The following RAB2A variants were observed in gnomAD, a reference collection of about 807,000 sequenced individuals.
The protein encoded by RAB2A is RAB2A, member RAS oncogene family.
RAB2A carries 7 observed loss-of-function variants against 32.5 expected under a neutral mutation model. That is an observed-to-expected ratio of 0.22 (90% CI 0.12 to 0.40). RAB2A has a LOEUF of 0.40. RAB2A is among the 10% of genes least tolerant of loss of function. The probability of loss-of-function intolerance (pLI) is 1.00; values close to 1 mark genes in which losing one functional copy is unlikely to be tolerated. For synonymous variants in RAB2A, 79 were observed against 85.2 expected, an observed-to-expected ratio of 0.93 and a Z score of 0.40; for missense variants, 108 against 260.7, an observed-to-expected ratio of 0.41 and a Z score of 4.03.
chr8:60,517,561 G>T (rs554433881), intron 1 of RAB2A, among the ~76,000 whole-genome samples: 3 of 152,202 alleles, frequency 2.0e-5, no homozygotes, highest in Non-Finnish European at 4.4e-5. Context: ...GCCGGGGCCC[G>T]ACTCACATGA....
chr8:60,590,392 A>G (rs1025487993), intron 5 of RAB2A, among the ~76,000 whole-genome samples: 3 of 151,284 alleles, frequency 2.0e-5, no homozygotes, highest in Middle Eastern at 3.4e-3. Context: ...AGTCCTAGCA[A>G]TTGGGAAGGC....
intron 1 of RAB2A, among the ~76,000 whole-genome samples, chr8:60,532,410 C>T (rs929034763): frequency 2.6e-5 from 4 of 152,052 alleles, no homozygotes; most frequent in Admixed American, 1.3e-4. Context: ...AATGTATGCC[C>T]GATGAATTGA....
intron 1 of RAB2A, among the ~76,000 whole-genome samples, chr8:60,521,467 G>A (rs1807302102): frequency 6.6e-6 from 1 of 152,138 alleles, no homozygotes; most frequent in African/African-American, 2.4e-5. Flanking sequence ...CTCATGATAT[G>A]AAAATAATTA....
chr8:60,583,285 A>G (rs1034757434), intron 3 of RAB2A, among the ~76,000 whole-genome samples: 2 of 152,212 alleles, frequency 1.3e-5, no homozygotes, highest in South Asian at 4.1e-4. Context: ...TAAAATGCTT[A>G]TGTTTTTGCA....
intron 2 of RAB2A, among the ~76,000 whole-genome samples, chr8:60,561,304 G>A (rs771166343): frequency 6.6e-6 from 1 of 152,038 alleles, no homozygotes; most frequent in Admixed American, 6.6e-5. Flanking sequence ...CTGGCATACC[G>A]TTTTTTTTCT....
intron 6 of RAB2A, among the ~76,000 whole-genome samples, chr8:60,612,939 A>C (rs969616973): frequency 6.6e-6 from 1 of 152,214 alleles, no homozygotes; most frequent in African/African-American, 2.4e-5. Flanking sequence ...TTTAAAAGCC[A>C]CTATTGGATG....
At chr8:60,528,624 G>T (rs1807428409) in intron 1 of RAB2A, among the ~76,000 whole-genome samples, 1 of 151,804 alleles carries the variant, frequency 6.6e-6, no homozygotes, top group Non-Finnish European at 1.5e-5. Flanking sequence ...TTATTTGTTT[G>T]CATCAAGTTG....
intron 3 of RAB2A, among the ~76,000 whole-genome samples, chr8:60,577,091 G>C (rs1035309420): frequency 6.6e-6 from 1 of 151,522 alleles, no homozygotes; most frequent in African/African-American, 2.4e-5. Flanking sequence ...TGTTGCCCAG[G>C]CTGGAGTGCA....
intron 3 of RAB2A, among the ~76,000 whole-genome samples, chr8:60,575,761 G>A (rs760666465): frequency 8.1e-5 from 12 of 148,936 alleles, no homozygotes; most frequent in Non-Finnish European, 1.3e-4. Flanking sequence ...GGGTTCAAGC[G>A]ATTCTCTTGC....
chr8:60,599,469 A>G (rs1391315455), intron 6 of RAB2A, among the ~76,000 whole-genome samples: 1 of 152,180 alleles, frequency 6.6e-6, no homozygotes, highest in Non-Finnish European at 1.5e-5. Context: ...AGAAGAACTA[A>G]AGTAGCTGAC....
At chr8:60,542,662 T>C (rs73259430) in intron 1 of RAB2A, among the ~76,000 whole-genome samples, 12,467 of 152,214 alleles carry the variant, frequency 0.082, 1,554 homozygotes, top group African/African-American at 0.27. Context: ...GTTTTAATAT[T>C]GGGGGTACTT....
chr8:60,610,182 AAGACTAT>A (rs1283269554), intron 6 of RAB2A, among the ~76,000 whole-genome samples: 2 of 152,114 alleles, frequency 1.3e-5, no homozygotes, highest in African/African-American at 2.4e-5. Flanking sequence ...AGATACCACC[AAGACTAT>A]AGCTGAAAAT....
intron 3 of RAB2A, among the ~76,000 whole-genome samples, chr8:60,583,089 A>T (rs1803789387): frequency 6.6e-6 from 1 of 151,930 alleles, no homozygotes; most frequent in Admixed American, 6.6e-5. Context: ...AACAAGAGCA[A>T]GGTATTGTAG....
chr8:60,544,108 CTT>C (rs762062848), intron 1 of RAB2A, among the ~76,000 whole-genome samples: 4 of 134,262 alleles, frequency 3.0e-5, no homozygotes. Flanking sequence ...ATTTTCAATT[CTT>C]TTTTTTTTTT....
At position 60,584,138 on chromosome 8, in the gene RAB2A, A is replaced by G. The variant is rs1339551121; in HGVS notation, c.187-70A>G. The G allele has an allele frequency of 3.3e-6, 4 of 1,218,926 alleles. No individual in the cohort carries two copies. The African/African-American group carries it at 4.5e-5, about 14-fold the overall frequency. 75.5% of individuals were successfully genotyped at this position (1,218,926 alleles called of 1,614,324 possible). A position where few individuals can be genotyped will look rare whatever the true frequency, so the allele number is the denominator to read the frequency against. The stretch of plus-strand genomic sequence containing the variant: ...CCTTCCCTACCTGCTCTTATTCTGT[A>G]TATGAATAATATGAAAATGTAGAGG... On this transcript the variant is annotated intron_variant, in intron 3 of 7. Transcript: ENST00000262646.
chr8:60,568,148 T>A (rs1808143583), intron 2 of RAB2A, among the ~76,000 whole-genome samples: 1 of 152,222 alleles, frequency 6.6e-6, no homozygotes, highest in African/African-American at 2.4e-5. Context: ...GTCCATATGT[T>A]ACCATGCTGG....
intron 6 of RAB2A, among the ~76,000 whole-genome samples, chr8:60,600,087 A>G (rs925493011): frequency 3.4e-5 from 5 of 149,122 alleles, no homozygotes; most frequent in Non-Finnish European, 1.5e-5. Context: ...AAAACAATGC[A>G]ATTACAAAAT....
At chr8:60,520,103 C>G (rs973809661) in intron 1 of RAB2A, among the ~76,000 whole-genome samples, 1 of 152,188 alleles carries the variant, frequency 6.6e-6, no homozygotes, top group South Asian at 2.1e-4. Context: ...ATAACCTTCT[C>G]TCAGTATGTG....
intron 1 of RAB2A, among the ~76,000 whole-genome samples, chr8:60,527,113 G>A (rs766880345): frequency 1.3e-4 from 20 of 152,102 alleles, no homozygotes; most frequent in Non-Finnish European, 2.5e-4. Context: ...AAGGTGAAGG[G>A]GAAGCAAGCA....
Sources: allele counts gnomAD v4.1 joint callset (sites outside exome capture counted in the v4.1 genomes callset), GRCh38; gene constraint gnomAD v4.1.1; transcripts MANE v1.5; gene names NCBI Gene and HGNC (gene_info 2026-07-23, HGNC 2026-07-21).